FASTKD2: variants seen among roughly 807,000 people sequenced by gnomAD.
FASTKD2 encodes FAST kinase domain-containing protein 2, mitochondrial.
FASTKD2 carries 51 observed loss-of-function variants against 63.6 expected under a neutral mutation model. The observed-to-expected ratio is 0.80, with a 90% CI of 0.64 to 1.01. The LOEUF (loss-of-function observed/expected upper bound fraction) is 1.01, where lower values mean the gene tolerates loss of function less well. Ranked by LOEUF, FASTKD2 falls within the 50% of genes least tolerant of loss-of-function variation. The pLI is 0.00. For missense variants in FASTKD2, 786 were observed against 831.1 expected (o/e 0.95, Z 0.67); for synonymous variants, 284 against 293.4 (o/e 0.97, Z 0.33).
intron 11 of FASTKD2, 150 bp downstream of exon 11, chr2:206,790,836 A>C: frequency 1.5e-6 from 1 of 666,270 alleles, no homozygotes; most frequent in Non-Finnish European, 2.8e-6. Context: ...TTCTTTGAAA[A>C]AGAACATTGC....
intron 4 of FASTKD2, among the ~76,000 whole-genome samples, 161 bp downstream of exon 4, chr2:206,771,451 G>A (rs1194429502): frequency 2.0e-5 from 3 of 151,852 alleles, no homozygotes. Flanking sequence ...TTATTTATCT[G>A]TATATATATA....
chr2:206,778,590 T>C (rs1471805451), intron 7 of FASTKD2, among the ~76,000 whole-genome samples: 1 of 152,194 alleles, frequency 6.6e-6, no homozygotes, highest in Non-Finnish European at 1.5e-5. Flanking sequence ...GAATGATCTA[T>C]GTGCACTTGA....
rs1006544387 is a variant in FASTKD2 at position 206,786,752 on chromosome 2, G to A, written c.1447G>A (p.Ala483Thr). The change falls in exon 8 of 12, where the codon GCT becomes ACT. Residue 483 changes from alanine to threonine, a missense_variant. Physicochemically the swap from Ala to Thr is moderately conservative, Grantham distance 58. Transcript: ENST00000402774. ...QNKEQFVEVM[A>T]SALTGYLHTI... is the part of the protein sequence containing the mutation. ...CCCCAGACAGTTCGTGGAAGTTATG[G>A]CTAGTGCTCTGACTGGTTATCTTCA... The A allele has an allele frequency of 2.5e-6, 4 of 1,613,830 alleles. No individual in the cohort carries two copies. Among genetic ancestry groups the A allele is most frequent in the Non-Finnish European group, 3.4e-6 (4 of 1,179,760 alleles).
rs1051144689 is a variant in FASTKD2, at chr2:206,796,118, G to C, written c.*4316G>C. Among the ~76,000 whole-genome samples, 1 of 152,178 alleles carries C rather than the reference G, an allele frequency of 6.6e-6. No individual in the cohort carries two copies. The highest frequency in any genetic ancestry group is 2.4e-5 in the African/African-American group (1 of 41,436). ...TGTTATCAGCAAGTAAATCCTGATT[G>C]ATAAAGATACTACAATATATGCACA... On this transcript the variant is annotated 3_prime_UTR_variant, in exon 12 of 12. Coordinates refer to ENST00000402774, the MANE Select transcript of FASTKD2 (RefSeq NM_001136193.2).
intron 7 of FASTKD2, among the ~76,000 whole-genome samples, chr2:206,779,558 C>T (rs923548260): frequency 6.6e-6 from 1 of 152,200 alleles, no homozygotes; most frequent in Non-Finnish European, 1.5e-5. Flanking sequence ...GGAAGTGCTA[C>T]ACTTTAAGCC....
rs577809361 is a variant in FASTKD2, at chr2:206,795,524, C to T, written c.*3722C>T. Among the ~76,000 whole-genome samples, 1 of 152,206 alleles carries T rather than the reference C, an allele frequency of 6.6e-6. No homozygotes were observed. Among genetic ancestry groups the T allele is most frequent in the East Asian group, 1.9e-4 (1 of 5,166 alleles). On this transcript the variant is annotated 3_prime_UTR_variant, in exon 12 of 12. Transcript: ENST00000402774. ...CTGGGATTATAGGCGTGAGCCACCA[C>T]CCCCGGTCCAAGATGGCTATCTCTT...
chr2:206,770,142 T>G lies in FASTKD2; in HGVS notation c.829T>G (p.Leu277Val). Reference sequence around the variant, plus strand: ...ATGCCTTTCAGTTTTGTCAACTGTTTTAGAGGCAATGGAACCATGCAAGAA... The same window carrying G: ...ATGCCTTTCAGTTTTGTCAACTGTTGTAGAGGCAATGGAACCATGCAAGAA... ...EICLSVLSTV[L>V]EAMEPCKNVH... The change falls in exon 3 of 12, where the codon TTA becomes GTA. Residue 277 changes from leucine to valine, a missense_variant. Transcript: ENST00000402774. 1 of 1,612,580 alleles carries G rather than the reference T, an allele frequency of 6.2e-7. No individual in the cohort carries two copies. Among genetic ancestry groups the G allele is most frequent in the African/African-American group, 1.3e-5 (1 of 75,038 alleles).
Position 206,793,380 on chromosome 2 carries a change from C to T in FASTKD2, c.*1578C>T, listed in dbSNP as rs955295480. 5.7e-4 allele frequency among the ~76,000 whole-genome samples: 86 copies of T among 152,034 alleles called. No individual in the cohort carries two copies. Among genetic ancestry groups the T allele is most frequent in the African/African-American group, 1.2e-4 (5 of 41,388 alleles). The stretch of plus-strand genomic sequence containing the variant: ...ATTGTTACTTCCCTCATTTTATGGA[C>T]GAGGAAGATAAGGCTCAAAGAATTT... On this transcript the variant is annotated 3_prime_UTR_variant, in exon 12 of 12. Transcript: ENST00000402774.
chr2:206,793,652 CCTCTT>C lies in FASTKD2; in HGVS notation c.*1852_*1856del, dbSNP rs1216769202. Among the ~76,000 whole-genome samples the C allele has an allele frequency of 6.6e-6, 1 of 152,152 alleles. No individual in the cohort carries two copies. Among genetic ancestry groups the C allele is most frequent in the African/African-American group, 2.4e-5 (1 of 41,430 alleles). On this transcript the variant is annotated 3_prime_UTR_variant, in exon 12 of 12. Transcript: ENST00000402774. Reference sequence around the variant, plus strand: ...CAGTTTTGAGTGTCTAATTATGACTCCTCTTCAAAGGATTTGACAAATTTGTGAAT... The same window carrying C: ...CAGTTTTGAGTGTCTAATTATGACTCCAAAGGATTTGACAAATTTGTGAAT...
Position 206,792,119 on chromosome 2 carries a change from G to C in FASTKD2, c.*317G>C, listed in dbSNP as rs1690301847. The stretch of plus-strand genomic sequence containing the variant: ...GTTTCTTAGTTGTGAGGTGTCACAG[G>C]CAGGTTGATGTGGGTAGTAGTCCTT... On this transcript the variant is annotated 3_prime_UTR_variant, in exon 12 of 12. Transcript: ENST00000402774. 2.7e-6 allele frequency: 1 copy of C among 363,834 alleles called. No individual in the cohort carries two copies. The allele number at this position is 363,834 out of a possible 1,614,324, so 22.5% of individuals were successfully genotyped here.
Position 206,782,358 on chromosome 2 carries a change from T to C in FASTKD2, c.1428-4375T>C, listed in dbSNP as rs368878002. 9.8e-5 allele frequency among the ~76,000 whole-genome samples: 15 copies of C among 152,372 alleles called. No individual in the cohort carries two copies. The East Asian group carries it at 1.9e-3, about 20-fold the overall frequency. On this transcript the variant is annotated intron_variant, in intron 7 of 11. Coordinates refer to ENST00000402774, the MANE Select transcript of FASTKD2 (RefSeq NM_001136193.2). ...AATATCTTAATTGGTTTCTGGACTT[T>C]TCATAAAGGTATTTTTGTCTATATG... is the stretch of plus-strand genomic sequence containing the variant.
rs1306249651 is a variant in FASTKD2 at position 206,790,581 on chromosome 2, G to A, written c.1908G>A (p.Val636=). ...TTATTTTTGTTTTCAGAGTAGCTGT[G>A]CTATGTGTTTCCAGATCTGCTTATT... The part of the protein sequence containing the change: ...TSATDIQRVA[V]LCVSRSAYCL... Residue 636 remains valine (V), a synonymous_variant, in exon 11 of 12, where the codon GTG becomes GTA. Coordinates refer to ENST00000402774, the MANE Select transcript of FASTKD2 (RefSeq NM_001136193.2). 4.4e-6 allele frequency: 7 copies of A among 1,591,898 alleles called. No homozygotes were observed. Among genetic ancestry groups the A allele is most frequent in the Admixed American group, 1.7e-5 (1 of 59,982 alleles).
Position 206,791,834 on chromosome 2 carries a change from A to G in FASTKD2, c.*32A>G, listed in dbSNP as rs1690295105. On this transcript the variant is annotated 3_prime_UTR_variant, in exon 12 of 12. Coordinates refer to ENST00000402774, the MANE Select transcript of FASTKD2 (RefSeq NM_001136193.2). ...AATCAACCTTTTCATATTAGGAGAC[A>G]TGCATTTGTAAAAATTAATAAAGAT... 2 of 1,599,474 alleles carry G rather than the reference A, an allele frequency of 1.3e-6. No individual in the cohort carries two copies. Among genetic ancestry groups the G allele is most frequent in the Non-Finnish European group, 1.7e-6 (2 of 1,170,960 alleles).
Position 206,791,969 on chromosome 2 carries a change from TA to T in FASTKD2, c.*172del. 1 of 646,866 alleles carries T rather than the reference TA, an allele frequency of 1.5e-6. No individual in the cohort carries two copies. Among genetic ancestry groups the T allele is most frequent in the South Asian group, 1.9e-5 (1 of 51,818 alleles). 40.1% of individuals were successfully genotyped at this position (646,866 alleles called of 1,614,324 possible). A position where few individuals can be genotyped will look rare whatever the true frequency, so the allele number is the denominator to read the frequency against. On this transcript the variant is annotated 3_prime_UTR_variant, in exon 12 of 12. Coordinates refer to ENST00000402774, the MANE Select transcript of FASTKD2 (RefSeq NM_001136193.2). Reference sequence around the variant, plus strand: ...TGGAAGAAATGTTGTTACTGCCATTTAAAAATATGCTGAGAAAATTCCAGAA... The same window carrying T: ...TGGAAGAAATGTTGTTACTGCCATTTAAAATATGCTGAGAAAATTCCAGAA...
rs1187065526 is a variant in FASTKD2, at chr2:206,795,202, G to A, written c.*3400G>A. Reference sequence around the variant, plus strand: ...TAGGTGTGGAGCTTCCTGGCCAGGAGGGCAGTGGCTGCCCAGAAGGCAGGA... The same window carrying A: ...TAGGTGTGGAGCTTCCTGGCCAGGAAGGCAGTGGCTGCCCAGAAGGCAGGA... On this transcript the variant is annotated 3_prime_UTR_variant, in exon 12 of 12. Coordinates refer to ENST00000402774, the MANE Select transcript of FASTKD2 (RefSeq NM_001136193.2). 2.0e-5 allele frequency among the ~76,000 whole-genome samples: 3 copies of A among 152,216 alleles called. No individual in the cohort carries two copies. Among genetic ancestry groups the A allele is most frequent in the Non-Finnish European group, 4.4e-5 (3 of 68,036 alleles).
At chr2:206,782,689 G>A (rs1385377947) in intron 7 of FASTKD2, among the ~76,000 whole-genome samples, 1 of 152,208 alleles carries the variant, frequency 6.6e-6, no homozygotes, top group African/African-American at 2.4e-5. Flanking sequence ...TCTAGAGCTA[G>A]CTTGCTTAGG....
chr2:206,792,714 C>G lies in FASTKD2; in HGVS notation c.*912C>G, dbSNP rs1690322059. On this transcript the variant is annotated 3_prime_UTR_variant, in exon 12 of 12. Transcript: ENST00000402774. ...TTCTGCCCCCAAGCACACAGACATG[C>G]AATTACTAGACATCTTAGTATGTGC... Among the ~76,000 whole-genome samples the G allele has an allele frequency of 1.3e-5, 2 of 152,180 alleles. No homozygotes were observed. The highest frequency in any genetic ancestry group is 4.8e-5 in the African/African-American group (2 of 41,440).
rs746957689 is a variant in FASTKD2 at position 206,772,323 on chromosome 2, G to A, written c.1254+3G>A. The A allele has an allele frequency of 6.2e-7, 1 of 1,613,576 alleles. No homozygotes were observed. The highest frequency in any genetic ancestry group is 8.5e-7 in the Non-Finnish European group (1 of 1,179,540). ...TCGACATCTGGAAGTTCAGAAAAGT[G>A]AGTACATTAACAATTTAGAATAAGC... is the stretch of plus-strand genomic sequence containing the variant. On this transcript the variant is annotated splice_donor_region_variant and intron_variant, in intron 6 of 11. Transcript: ENST00000402774.
At chr2:206,773,014 G>A (rs578120919) in intron 6 of FASTKD2, among the ~76,000 whole-genome samples, 3 of 152,022 alleles carry the variant, frequency 2.0e-5, no homozygotes, top group African/African-American at 4.8e-5. Flanking sequence ...CTTCTTTTTC[G>A]TTTTAAAAGG....
Sources: gnomAD v4.1 joint callset for allele counts (sites outside exome capture counted in the v4.1 genomes callset) on GRCh38, gnomAD v4.1.1 for gene constraint, MANE v1.5 for transcripts, NCBI Gene and HGNC (gene_info 2026-07-23, HGNC 2026-07-21) for gene names.